CNTN4: variants seen among roughly 807,000 people sequenced by gnomAD.
CNTN4 encodes the protein contactin 4.
In CNTN4, 77 loss-of-function variants were observed where a neutral mutation model predicts 122.5. The ratio of observed to expected loss-of-function variants is 0.63; its 90% CI spans 0.52 to 0.76. CNTN4 has a LOEUF of 0.76. Ranked by LOEUF, CNTN4 falls within the 30% of genes least tolerant of loss-of-function variation. CNTN4 has a pLI of 0.00. For missense variants in CNTN4, 1,256 were observed against 1,259.1 expected, an observed-to-expected ratio of 1.00 and a Z score of 0.04; for synonymous variants, 512 against 447.0, an observed-to-expected ratio of 1.15 and a Z score of -1.83.
At chr3:2,120,036 C>G (rs894545224) in intron 2 of CNTN4, among the ~76,000 whole-genome samples, 1 of 151,802 alleles carries the variant, frequency 6.6e-6, no homozygotes, top group Non-Finnish European at 1.5e-5. Flanking sequence ...ATGCAATAAC[C>G]AGGGAAGAAA....
chr3:2,980,430 A>G (rs914401789), intron 13 of CNTN4, among the ~76,000 whole-genome samples: 1 of 146,026 alleles, frequency 6.8e-6, no homozygotes. Flanking sequence ...ATCTTACTCC[A>G]TCACTATTCA....
At chr3:2,843,532 T>A (rs909313257) in intron 7 of CNTN4, among the ~76,000 whole-genome samples, 1 of 152,210 alleles carries the variant, frequency 6.6e-6, no homozygotes, top group Middle Eastern at 3.2e-3. Context: ...CCCCCCAATG[T>A]TGGAGGTGGG....
At chr3:2,338,111 A>G (rs1443266150) in intron 2 of CNTN4, among the ~76,000 whole-genome samples, 3 of 152,120 alleles carry the variant, frequency 2.0e-5, no homozygotes, top group African/African-American at 7.2e-5. Context: ...GTCATCATTT[A>G]TGAAATTGTA....
intron 3 of CNTN4, among the ~76,000 whole-genome samples, chr3:2,539,483 T>C (rs996866913): frequency 7.2e-5 from 11 of 152,122 alleles, no homozygotes; most frequent in African/African-American, 2.4e-4. Flanking sequence ...TTCCTTAATC[T>C]CCACTTATGA....
chr3:2,646,952 C>T (rs1363099315), intron 4 of CNTN4, among the ~76,000 whole-genome samples: 1 of 152,176 alleles, frequency 6.6e-6, no homozygotes. Context: ...GGGGTTAGGG[C>T]TTCAGCATGA....
intron 4 of CNTN4, among the ~76,000 whole-genome samples, chr3:2,625,828 G>T (rs1431378841): frequency 6.6e-6 from 1 of 152,094 alleles, no homozygotes; most frequent in Non-Finnish European, 1.5e-5. Flanking sequence ...AACAAGTAGA[G>T]TTGACTCATG....
At chr3:2,620,656 T>C (rs1207140671) in intron 4 of CNTN4, among the ~76,000 whole-genome samples, 1 of 152,208 alleles carries the variant, frequency 6.6e-6, no homozygotes, top group Non-Finnish European at 1.5e-5. Context: ...TGCTTTCTAA[T>C]TGCTTGGCTT....
chr3:2,727,594 GC>G (rs1218244830), intron 4 of CNTN4, among the ~76,000 whole-genome samples: 1 of 152,150 alleles, frequency 6.6e-6, no homozygotes, highest in African/African-American at 2.4e-5. Flanking sequence ...AAATCCTCGA[GC>G]AATGCACAAT....
At chr3:2,782,411 G>A (rs898188273) in intron 6 of CNTN4, among the ~76,000 whole-genome samples, 2 of 151,286 alleles carry the variant, frequency 1.3e-5, no homozygotes, top group South Asian at 2.1e-4. Context: ...TCCTAGTGGC[G>A]ATGAAGACTT....
At chr3:2,960,118 GA>G (rs1481054275) in intron 13 of CNTN4, among the ~76,000 whole-genome samples, 2 of 152,132 alleles carry the variant, frequency 1.3e-5, no homozygotes, top group Non-Finnish European at 2.9e-5. Context: ...TGTGGGTTCT[GA>G]ATTTTAAATA....
At chr3:3,044,320 G>C (rs1273517443) in intron 23 of CNTN4, among the ~76,000 whole-genome samples, 1 of 152,148 alleles carries the variant, frequency 6.6e-6, no homozygotes, top group Non-Finnish European at 1.5e-5. Flanking sequence ...CCTGAAGCTA[G>C]GGGCTAAAAC....
At chr3:2,405,739 A>C (rs1382467831) in intron 3 of CNTN4, among the ~76,000 whole-genome samples, 1 of 152,118 alleles carries the variant, frequency 6.6e-6, no homozygotes, top group Non-Finnish European at 1.5e-5. Context: ...CACTATGTTA[A>C]TGGCTGGGCA....
At chr3:2,971,621 G>A (rs1692933572) in intron 13 of CNTN4, among the ~76,000 whole-genome samples, 1 of 152,012 alleles carries the variant, frequency 6.6e-6, no homozygotes. Flanking sequence ...TTTATAGAAA[G>A]GATCAGAGTT....
At chr3:2,495,937 C>T (rs761599360) in intron 3 of CNTN4, among the ~76,000 whole-genome samples, 1 of 152,176 alleles carries the variant, frequency 6.6e-6, no homozygotes, top group Non-Finnish European at 1.5e-5. Context: ...GCACAGATGG[C>T]AGTCCACAGC....
At chr3:2,276,390 T>A (rs992504067) in intron 2 of CNTN4, among the ~76,000 whole-genome samples, 1 of 152,012 alleles carries the variant, frequency 6.6e-6, no homozygotes, top group Non-Finnish European at 1.5e-5. Context: ...GCCAGGCTGG[T>A]CTTGAACTCC....
chr3:2,438,011 G>A (rs2048313994), intron 3 of CNTN4, among the ~76,000 whole-genome samples: 1 of 152,014 alleles, frequency 6.6e-6, no homozygotes, highest in Non-Finnish European at 1.5e-5. Flanking sequence ...AGCCTATGAG[G>A]GGATGCCCTG....
chr3:2,741,815 C>A (rs1413068422), intron 5 of CNTN4, among the ~76,000 whole-genome samples: 1 of 152,176 alleles, frequency 6.6e-6, no homozygotes. Flanking sequence ...ATTAACATTG[C>A]TTTTGTAACA....
intron 8 of CNTN4, among the ~76,000 whole-genome samples, chr3:2,870,845 T>C (rs1450971818): frequency 2.0e-5 from 3 of 152,214 alleles, no homozygotes; most frequent in African/African-American, 4.8e-5. Context: ...GTCTGGACTA[T>C]GATTTCTTAT....
chr3:2,246,994 AC>A (rs1012424881), intron 2 of CNTN4, among the ~76,000 whole-genome samples: 1 of 152,076 alleles, frequency 6.6e-6, no homozygotes, highest in African/African-American at 2.4e-5. Flanking sequence ...GTGAACAGCA[AC>A]TGGAGGAGGT....
Sources: gnomAD v4.1 joint callset for allele counts (sites outside exome capture counted in the v4.1 genomes callset) on GRCh38, gnomAD v4.1.1 for gene constraint, MANE v1.5 for transcripts, NCBI Gene and HGNC (gene_info 2026-07-23, HGNC 2026-07-21) for gene names.